The following RTN1 variants were observed in gnomAD, a reference collection of about 807,000 sequenced individuals.
RTN1 encodes reticulon 1.
Under a neutral mutation model 65.5 loss-of-function variants are expected in RTN1, and 25 were observed. The observed-to-expected ratio is 0.38, with a 90% CI of 0.28 to 0.53. The LOEUF (loss-of-function observed/expected upper bound fraction) is 0.53, where lower values mean the gene tolerates loss of function less well. RTN1 is among the 20% of genes least tolerant of loss of function. RTN1 has a pLI of 0.79. For synonymous variants in RTN1, 471 were observed against 447.6 expected, an observed-to-expected ratio of 1.05 and a Z score of -0.66; for missense variants, 983 against 1,025.4, an observed-to-expected ratio of 0.96 and a Z score of 0.57.
chr14:59,660,297 T>C (rs1883217107), intron 3 of RTN1, among the ~76,000 whole-genome samples: 1 of 152,184 alleles, frequency 6.6e-6, no homozygotes, highest in Non-Finnish European at 1.5e-5. Flanking sequence ...TGTGGGAGAC[T>C]TTAACACCCC....
chr14:59,612,676 C>T (rs1881989873), intron 3 of RTN1, among the ~76,000 whole-genome samples: 1 of 152,156 alleles, frequency 6.6e-6, no homozygotes, highest in Non-Finnish European at 1.5e-5. Flanking sequence ...GCTACAGGTC[C>T]CTGAAACCAG....
intron 3 of RTN1, among the ~76,000 whole-genome samples, chr14:59,676,260 G>A (rs895669893): frequency 6.6e-6 from 1 of 152,222 alleles, no homozygotes; most frequent in African/African-American, 2.4e-5. Flanking sequence ...TTTTTGCACA[G>A]AAGCTGTAAA....
intron 3 of RTN1, among the ~76,000 whole-genome samples, chr14:59,616,156 C>T (rs1237916415): frequency 6.6e-6 from 1 of 152,066 alleles, no homozygotes; most frequent in African/African-American, 2.4e-5. Flanking sequence ...GTTTGGCTTT[C>T]TTTGGTCTAT....
At chr14:59,658,054 T>C (rs1566675002) in intron 3 of RTN1, among the ~76,000 whole-genome samples, 1 of 151,914 alleles carries the variant, frequency 6.6e-6, no homozygotes, top group African/African-American at 2.4e-5. Flanking sequence ...TTCAGGTTGG[T>C]GGGGGGAGGG....
At chr14:59,847,691 G>A (rs12891329) in intron 1 of RTN1, among the ~76,000 whole-genome samples, 5,056 of 152,230 alleles carry the variant, frequency 0.033, 132 homozygotes, top group Non-Finnish European at 0.05. Context: ...GATCAAGTTC[G>A]ACTTCCCACT....
intron 1 of RTN1, among the ~76,000 whole-genome samples, chr14:59,763,741 C>T (rs926183846): frequency 3.9e-5 from 6 of 151,960 alleles, no homozygotes; most frequent in African/African-American, 1.5e-4. Flanking sequence ...CTGTGTTAGC[C>T]AGGAAGGTCT....
intron 3 of RTN1, among the ~76,000 whole-genome samples, chr14:59,639,098 TA>T (rs1157873832): frequency 6.6e-6 from 1 of 152,150 alleles, no homozygotes; most frequent in African/African-American, 2.4e-5. Context: ...TCTGAGGGAA[TA>T]AAGAGACGTG....
chr14:59,704,012 A>G (rs982312567), intron 3 of RTN1, among the ~76,000 whole-genome samples: 3 of 152,200 alleles, frequency 2.0e-5, no homozygotes, highest in African/African-American at 7.2e-5. Context: ...AAGGATGATA[A>G]TATTGCAGGA....
intron 3 of RTN1, among the ~76,000 whole-genome samples, chr14:59,645,720 T>A (rs61985007): frequency 0.075 from 11,444 of 152,274 alleles, 573 homozygotes; most frequent in Non-Finnish European, 0.12. Flanking sequence ...GTGTCCATAC[T>A]GTTCTCCACG....
At chr14:59,748,948 C>T (rs778359723) in intron 1 of RTN1, among the ~76,000 whole-genome samples, 1 of 151,510 alleles carries the variant, frequency 6.6e-6, no homozygotes, top group African/African-American at 2.4e-5. Context: ...TGCCACCACA[C>T]CCAGCTGATT....
chr14:59,743,408 C>T (rs904671366), intron 2 of RTN1, among the ~76,000 whole-genome samples: 5 of 152,142 alleles, frequency 3.3e-5, no homozygotes, highest in South Asian at 4.1e-4. Context: ...CTGGACAACC[C>T]GGGAGCTCTG....
In RTN1 at chr14:59,745,878, T is replaced by C; in HGVS notation, c.845A>G (p.Lys282Arg). The C allele has an allele frequency of 6.2e-7, 1 of 1,614,108 alleles. No homozygotes were observed. Among genetic ancestry groups the C allele is most frequent in the Non-Finnish European group, 8.5e-7 (1 of 1,180,002 alleles). The change falls in exon 2 of 9, where the codon AAA becomes AGA. Residue 282 changes from lysine to arginine, a missense_variant. Lys to Arg is a conservative substitution (Grantham distance 26). Transcript: ENST00000267484. ...RRAPQITTPV[K>R]ITLTEIEPSV... ...AGGTTCTATTTCCGTCAGTGTGATT[T>C]TGACAGGGGTGGTGATCTGAGGAGC...
chr14:59,697,661 G>A (rs1884090068), intron 3 of RTN1, among the ~76,000 whole-genome samples: 1 of 152,122 alleles, frequency 6.6e-6, no homozygotes, highest in Admixed American at 6.6e-5. Context: ...TCCACCCAAA[G>A]TGCCAACCAT....
intron 1 of RTN1, among the ~76,000 whole-genome samples, chr14:59,751,409 T>TA (rs1473816731): frequency 6.6e-6 from 1 of 152,108 alleles, no homozygotes; most frequent in Non-Finnish European, 1.5e-5. Context: ...GGGCTCAGCT[T>TA]ATAGGTAGAC....
chr14:59,792,359 T>TCACACACACACACACACA (rs34220909), intron 1 of RTN1, among the ~76,000 whole-genome samples: 2 of 144,792 alleles, frequency 1.4e-5, no homozygotes, highest in Admixed American at 6.9e-5. Context: ...AGAAAAGACT[T>TCACACACACACACACACA]CACACACACA....
intron 3 of RTN1, among the ~76,000 whole-genome samples, chr14:59,673,539 G>A (rs74690956): frequency 0.021 from 3,214 of 152,266 alleles, 112 homozygotes; most frequent in African/African-American, 0.072. Context: ...GGGACCCTTC[G>A]GCAGTGAGTA....
In RTN1 at chr14:59,846,781, C is replaced by T. The variant is rs1028628907; in HGVS notation, c.241+23609G>A. ...GCCCCTTGGTTCGTAGCCAGGTGTC[C>T]GCATACCTGTTTGAGATGCACAGTC... On this transcript the variant is annotated intron_variant, in intron 1 of 8. Coordinates refer to ENST00000267484, the MANE Select transcript of RTN1 (RefSeq NM_021136.3). This position sits in a 1 kb window ranked among gnomAD's most constrained non-coding sequence, Gnocchi z 4.8. Among the ~76,000 whole-genome samples, 2 of 152,014 alleles carry T rather than the reference C, an allele frequency of 1.3e-5. No individual in the cohort carries two copies. Among genetic ancestry groups the T allele is most frequent in the African/African-American group, 4.8e-5 (2 of 41,356 alleles).
At position 59,766,154 on chromosome 14, in the gene RTN1, C is replaced by T. The variant is rs574436100; in HGVS notation, c.242-19673G>A. Among the ~76,000 whole-genome samples the T allele has an allele frequency of 2.6e-5, 4 of 151,950 alleles. No individual in the cohort carries two copies. Among genetic ancestry groups the T allele is most frequent in the South Asian group, 2.1e-4 (1 of 4,820 alleles). Reference sequence around the variant, plus strand: ...CTGAGGCAGGACTATTGCTTGAACCCGGGAGGCAGACATTGCAGTGAGTGG... The same window carrying T: ...CTGAGGCAGGACTATTGCTTGAACCTGGGAGGCAGACATTGCAGTGAGTGG... On this transcript the variant is annotated intron_variant, in intron 1 of 8. Coordinates refer to ENST00000267484, the MANE Select transcript of RTN1 (RefSeq NM_021136.3). The surrounding 1 kb of genome is among the most constrained non-coding windows in gnomAD (Gnocchi z 4.4).
At chr14:59,830,204 G>A (rs949105130) in intron 1 of RTN1, among the ~76,000 whole-genome samples, 3 of 152,206 alleles carry the variant, frequency 2.0e-5, no homozygotes, top group Admixed American at 2.0e-4. Flanking sequence ...GATAATGCTG[G>A]TTGGAAAGCA....
Sources: allele counts gnomAD v4.1 joint callset (sites outside exome capture counted in the v4.1 genomes callset), GRCh38; gene constraint gnomAD v4.1.1; non-coding constraint Gnocchi (gnomAD v3.1); transcripts MANE v1.5; gene names NCBI Gene and HGNC (gene_info 2026-07-23, HGNC 2026-07-21).